The following NPFFR2 variants were observed in gnomAD, a reference collection of about 807,000 sequenced individuals.
NPFFR2 encodes the protein neuropeptide FF receptor 2, also known as G-protein coupled receptor 74.
In NPFFR2, 15 loss-of-function variants were observed where a neutral mutation model predicts 13.1. The observed-to-expected ratio is 1.15, with a 90% CI of 0.77 to 1.76. NPFFR2 has a LOEUF of 1.76. Among genes scored for constraint, NPFFR2 ranks in the 40% most tolerant of loss-of-function variants. The pLI is 0.00. For synonymous variants in NPFFR2, 190 were observed against 175.7 expected (o/e 1.08, Z -0.65); for missense variants, 572 against 503.5 (o/e 1.14, Z -1.30).
chr4:72,083,705 A>C (rs953239317), intron 1 of NPFFR2, among the ~76,000 whole-genome samples: 12 of 152,096 alleles, frequency 7.9e-5, no homozygotes, highest in Admixed American at 6.6e-5. Flanking sequence ...CTGATTCCAC[A>C]GTTTAAAATA....
At chr4:72,036,749 G>T (rs1439278699) in intron 1 of NPFFR2, among the ~76,000 whole-genome samples, 3 of 151,654 alleles carry the variant, frequency 2.0e-5, no homozygotes, top group Non-Finnish European at 4.4e-5. Context: ...TCTTGGACAG[G>T]AGGTATTTAG....
chr4:72,042,109 A>G (rs1719238361), intron 1 of NPFFR2, among the ~76,000 whole-genome samples: 1 of 152,168 alleles, frequency 6.6e-6, no homozygotes, highest in Admixed American at 6.5e-5. Context: ...ATTTTGAATT[A>G]TAGTTCTCAT....
rs532919005 is a variant in NPFFR2 at position 72,080,067 on chromosome 4, C to T, written c.-8+47867C>T. Among the ~76,000 whole-genome samples, 26 of 152,198 alleles carry T rather than the reference C, an allele frequency of 1.7e-4. 1 individual carries two copies. In the South Asian group the frequency reaches 4.6e-3, roughly 27 times the overall value. ...TAGGAACCAAATAAGTTCAGTATCT[C>T]CAGGTTTCACAACATAGAGATGTCT... On this transcript the variant is annotated intron_variant, in intron 1 of 3. Transcript: ENST00000308744.
At chr4:72,128,506 TC>T (rs1270967579) in intron 1 of NPFFR2, 78 bp from the exon 2 acceptor site, 2 of 791,992 alleles carry the variant, frequency 2.5e-6, no homozygotes, top group Admixed American at 5.9e-5. Flanking sequence ...TTACAAGTGT[TC>T]CTCTTAAACT....
chr4:72,137,021 G>GT lies in NPFFR2; in HGVS notation c.329-1013dup, dbSNP rs1295516116. ...CATTTTCAACCAACGGCTAGACACA[G>GT]TTTTTTGCATTTTTGTTGACAAATA... is the stretch of plus-strand genomic sequence containing the variant. On this transcript the variant is annotated intron_variant, in intron 2 of 3. Coordinates refer to ENST00000308744, the MANE Select transcript of NPFFR2 (RefSeq NM_004885.3). 2.6e-5 allele frequency among the ~76,000 whole-genome samples: 4 copies of GT among 152,114 alleles called. No homozygotes were observed. In the East Asian group the frequency reaches 7.7e-4, roughly 29 times the overall value.
At chr4:72,036,452 C>A (rs758204545) in intron 1 of NPFFR2, among the ~76,000 whole-genome samples, 1 of 151,342 alleles carries the variant, frequency 6.6e-6, no homozygotes, top group Non-Finnish European at 1.5e-5. Flanking sequence ...GTGAAACTTT[C>A]AAATGTCTCA....
chr4:72,105,158 A>G (rs7662933), intron 1 of NPFFR2, among the ~76,000 whole-genome samples: 96 of 151,878 alleles, frequency 6.3e-4, no homozygotes, highest in African/African-American at 2.1e-3. Context: ...AAAGTAGCCA[A>G]TAAAAATGAA....
intron 1 of NPFFR2, among the ~76,000 whole-genome samples, chr4:72,104,531 A>C (rs1721358657): frequency 6.6e-6 from 1 of 152,034 alleles, no homozygotes; most frequent in Non-Finnish European, 1.5e-5. Flanking sequence ...TTCCACTAAC[A>C]TTGTTCAAGA....
chr4:72,032,550 C>T (rs13340245), intron 1 of NPFFR2, among the ~76,000 whole-genome samples: 1 of 152,160 alleles, frequency 6.6e-6, no homozygotes, highest in African/African-American at 2.4e-5. Flanking sequence ...CTGAAGCTAG[C>T]GAGTTTCTAA....
In NPFFR2 at chr4:72,135,914, G is replaced by T. The variant is rs1013989137; in HGVS notation, c.329-2126G>T. ...TATAATGTGTAATAATCATATTAGG[G>T]TAATAATCATATTAGGGCATTTGGG... On this transcript the variant is annotated intron_variant, in intron 2 of 3. Transcript: ENST00000308744. Among the ~76,000 whole-genome samples the T allele has an allele frequency of 2.6e-5, 4 of 151,802 alleles. No individual in the cohort carries two copies. The East Asian group carries it at 7.7e-4, about 29-fold the overall frequency.
chr4:72,128,867 A>G lies in NPFFR2; in HGVS notation c.276A>G (p.Leu92=), dbSNP rs747268905. ...TCTTAAACCTGGCCATAAGTGATTT[A>G]CTAGTTGGCATATTCTGCATGCCTA... ...LFILNLAISD[L]LVGIFCMPIT... Residue 92 remains leucine (L), a synonymous_variant, in exon 2 of 4, where the codon TTA becomes TTG. Coordinates refer to ENST00000308744, the MANE Select transcript of NPFFR2 (RefSeq NM_004885.3). The G allele has an allele frequency of 3.7e-6, 6 of 1,613,916 alleles. No individual in the cohort carries two copies. The highest frequency in any genetic ancestry group is 4.5e-5 in the East Asian group (2 of 44,868).
chr4:72,132,687 C>T (rs1722287234), intron 2 of NPFFR2, among the ~76,000 whole-genome samples: 1 of 152,138 alleles, frequency 6.6e-6, no homozygotes, highest in African/African-American at 2.4e-5. Flanking sequence ...TAATAGTAGC[C>T]ACTCTGACTG....
chr4:72,074,552 G>A (rs1720369227), intron 1 of NPFFR2, among the ~76,000 whole-genome samples: 1 of 151,994 alleles, frequency 6.6e-6, no homozygotes, highest in South Asian at 2.1e-4. Context: ...AATGTATATA[G>A]GGTTTAGTAC....
chr4:72,052,893 ATAACT>A (rs762120350), intron 1 of NPFFR2, among the ~76,000 whole-genome samples: 9 of 151,954 alleles, frequency 5.9e-5, no homozygotes, highest in African/African-American at 9.7e-5. Flanking sequence ...GTCTTACATA[ATAACT>A]TAACTCTTTC....
chr4:72,060,789 A>G (rs1007032725), intron 1 of NPFFR2, among the ~76,000 whole-genome samples: 3 of 152,104 alleles, frequency 2.0e-5, no homozygotes, highest in Non-Finnish European at 2.9e-5. Flanking sequence ...CTTTTCTACT[A>G]AAGTCCCCAT....
intron 3 of NPFFR2, among the ~76,000 whole-genome samples, chr4:72,141,298 T>A (rs544218179): frequency 6.6e-6 from 1 of 152,080 alleles, no homozygotes; most frequent in Non-Finnish European, 1.5e-5. Context: ...TTGCCTTCTG[T>A]TAGCTTTTGA....
intron 1 of NPFFR2, among the ~76,000 whole-genome samples, chr4:72,038,499 C>G (rs149813529): frequency 6.8e-6 from 1 of 148,094 alleles, no homozygotes; most frequent in Non-Finnish European, 1.5e-5. Context: ...GACAAGTTGC[C>G]GAAACTTCAA....
intron 1 of NPFFR2, among the ~76,000 whole-genome samples, chr4:72,042,693 G>T (rs1174103048): frequency 6.6e-6 from 1 of 152,168 alleles, no homozygotes; most frequent in African/African-American, 2.4e-5. Context: ...CCCTTTCCTA[G>T]AGATCTGTGG....
At chr4:72,141,686 G>C (rs940069663) in intron 3 of NPFFR2, among the ~76,000 whole-genome samples, 1 of 152,036 alleles carries the variant, frequency 6.6e-6, no homozygotes, top group East Asian at 1.9e-4. Flanking sequence ...CCAACTATGT[G>C]GTCAGTTTTG....
Sources: gnomAD v4.1 joint callset for allele counts (sites outside exome capture counted in the v4.1 genomes callset) on GRCh38, gnomAD v4.1.1 for gene constraint, MANE v1.5 for transcripts, NCBI Gene and HGNC (gene_info 2026-07-23, HGNC 2026-07-21) for gene names.